The following CNTNAP2 variants were observed in gnomAD, a reference collection of about 807,000 sequenced individuals.
CNTNAP2 encodes the protein contactin associated protein 2.
Under a neutral mutation model 155.2 loss-of-function variants are expected in CNTNAP2, and 98 were observed. That is an observed-to-expected ratio of 0.63 (90% confidence interval 0.54 to 0.75). The LOEUF (loss-of-function observed/expected upper bound fraction) is 0.75, where lower values mean the gene tolerates loss of function less well. Among genes scored for constraint, CNTNAP2 ranks in the 30% least tolerant of loss-of-function variants. CNTNAP2 has a pLI of 0.00. For missense variants in CNTNAP2, 1,727 were observed against 1,688.1 expected (o/e 1.02, Z -0.40); for synonymous variants, 651 against 631.2 (o/e 1.03, Z -0.47).
chr7:147,277,607 A>C (rs1302649605), intron 8 of CNTNAP2, among the ~76,000 whole-genome samples: 1 of 151,838 alleles, frequency 6.6e-6, no homozygotes, highest in African/African-American at 2.4e-5. Context: ...TTACCTTAGA[A>C]ATTTGCACAT....
chr7:148,157,571 C>CAAAAAAAA (rs60716582), intron 17 of CNTNAP2, among the ~76,000 whole-genome samples: 17 of 111,200 alleles, frequency 1.5e-4, no homozygotes, highest in African/African-American at 2.9e-4. Context: ...GCAGAAGCAG[C>CAAAAAAAA]AAAAAAAAAA....
intron 1 of CNTNAP2, among the ~76,000 whole-genome samples, chr7:146,268,566 T>C (rs573030324): frequency 6.6e-6 from 1 of 152,330 alleles, no homozygotes; most frequent in South Asian, 2.1e-4. Flanking sequence ...CAGAGTTCTT[T>C]TGTTTACTTC....
intron 1 of CNTNAP2, among the ~76,000 whole-genome samples, chr7:146,497,206 G>C (rs2129132431): frequency 6.6e-6 from 1 of 152,134 alleles, no homozygotes; most frequent in South Asian, 2.1e-4. Context: ...TTCTAAATTT[G>C]GGTTAAAGTT....
At chr7:146,713,535 T>C (rs956790861) in intron 1 of CNTNAP2, among the ~76,000 whole-genome samples, 4 of 152,192 alleles carry the variant, frequency 2.6e-5, no homozygotes, top group African/African-American at 9.6e-5. Flanking sequence ...AGTTCTCTCC[T>C]GCCCAACCAC....
At chr7:148,327,493 C>A (rs527453517) in intron 21 of CNTNAP2, among the ~76,000 whole-genome samples, 5 of 152,232 alleles carry the variant, frequency 3.3e-5, no homozygotes, top group East Asian at 1.9e-4. Flanking sequence ...TTGAACACAC[C>A]TTGTTTTGTA....
chr7:146,752,470 GT>G (rs1489030322), intron 1 of CNTNAP2, among the ~76,000 whole-genome samples: 3 of 152,010 alleles, frequency 2.0e-5, no homozygotes, highest in Non-Finnish European at 4.4e-5. Flanking sequence ...TGACGGGGTT[GT>G]TTTTTGCTTT....
chr7:148,308,708 A>T (rs928137429), intron 21 of CNTNAP2, among the ~76,000 whole-genome samples: 4 of 151,948 alleles, frequency 2.6e-5, no homozygotes, highest in African/African-American at 7.2e-5. Context: ...TATTTCTCCT[A>T]ATGCTATCCC....
intron 1 of CNTNAP2, among the ~76,000 whole-genome samples, chr7:146,489,138 A>T (rs1797102009): frequency 1.3e-5 from 2 of 152,144 alleles, no homozygotes; most frequent in Admixed American, 1.3e-4. Context: ...ACCCAACAAC[A>T]GTTCCTTCCT....
intron 18 of CNTNAP2, among the ~76,000 whole-genome samples, chr7:148,208,231 A>C (rs891067348): frequency 1.4e-4 from 21 of 152,222 alleles, no homozygotes; most frequent in Non-Finnish European, 2.9e-4. Context: ...GGGTGTCTCT[A>C]GGCTTTCTGC....
intron 13 of CNTNAP2, among the ~76,000 whole-genome samples, chr7:147,855,237 G>A (rs1052986407): frequency 2.0e-5 from 3 of 151,952 alleles, no homozygotes; most frequent in African/African-American, 2.4e-5. Flanking sequence ...CTAATGAAGG[G>A]GGAGAAGGAG....
chr7:147,279,305 C>T (rs532720287), intron 8 of CNTNAP2, among the ~76,000 whole-genome samples: 4 of 151,512 alleles, frequency 2.6e-5, no homozygotes, highest in African/African-American at 7.3e-5. Flanking sequence ...AATGGTGAGA[C>T]GATTATTCAT....
At chr7:147,802,039 G>T (rs1398727837) in intron 13 of CNTNAP2, among the ~76,000 whole-genome samples, 1 of 151,102 alleles carries the variant, frequency 6.6e-6, no homozygotes, top group Non-Finnish European at 1.5e-5. Context: ...GCCGGGCGGA[G>T]GGGCTCCTCA....
chr7:147,850,903 A>G (rs1372200384), intron 13 of CNTNAP2, among the ~76,000 whole-genome samples: 6 of 152,208 alleles, frequency 3.9e-5, no homozygotes, highest in Admixed American at 3.9e-4. Context: ...AATGGCAACA[A>G]AAGCCAAAAT....
At chr7:146,656,455 C>T (rs1423288043) in intron 1 of CNTNAP2, among the ~76,000 whole-genome samples, 1 of 152,122 alleles carries the variant, frequency 6.6e-6, no homozygotes, top group African/African-American at 2.4e-5. Context: ...GTCACTGATC[C>T]ATGTCAAATT....
At chr7:146,436,015 A>T (rs1359133514) in intron 1 of CNTNAP2, among the ~76,000 whole-genome samples, 2 of 152,184 alleles carry the variant, frequency 1.3e-5, no homozygotes, top group African/African-American at 4.8e-5. Context: ...CAAACAATCC[A>T]GTTATTGATC....
chr7:147,564,291 A>G (rs970938580), intron 12 of CNTNAP2, among the ~76,000 whole-genome samples: 2 of 152,174 alleles, frequency 1.3e-5, no homozygotes, highest in African/African-American at 4.8e-5. Context: ...ATTTTGAAAA[A>G]GAACTTTAGG....
chr7:147,995,316 A>G (rs752017457), intron 15 of CNTNAP2, among the ~76,000 whole-genome samples: 1 of 152,178 alleles, frequency 6.6e-6, no homozygotes, highest in Non-Finnish European at 1.5e-5. Flanking sequence ...TGGGCCAGCC[A>G]TGGGAAGCAC....
intron 3 of CNTNAP2, among the ~76,000 whole-genome samples, chr7:146,926,006 C>T (rs1365344427): frequency 3.9e-5 from 6 of 152,024 alleles, no homozygotes; most frequent in Non-Finnish European, 7.4e-5. Flanking sequence ...GAAGACCAGC[C>T]GTTTCACTAT....
chr7:148,039,417 C>T (rs1049159152), intron 15 of CNTNAP2, among the ~76,000 whole-genome samples: 5 of 152,136 alleles, frequency 3.3e-5, no homozygotes, highest in Non-Finnish European at 4.4e-5. Context: ...CCAATTCACA[C>T]CCCAATCTCC....
Sources: gnomAD v4.1 joint callset for allele counts (sites outside exome capture counted in the v4.1 genomes callset) on GRCh38, gnomAD v4.1.1 for gene constraint, MANE v1.5 for transcripts, NCBI Gene and HGNC (gene_info 2026-07-23, HGNC 2026-07-21) for gene names.